The following IFIH1 variants were observed in gnomAD, a reference collection of about 807,000 sequenced individuals.
IFIH1 encodes interferon-induced helicase C domain-containing protein 1.
In IFIH1, 125 loss-of-function variants were observed where a neutral mutation model predicts 107.4. The observed-to-expected ratio is 1.16, with a 90% CI of 1.01 to 1.35. IFIH1 has a LOEUF of 1.35. Among genes scored for constraint, IFIH1 ranks in the 40% most tolerant of loss-of-function variants. The pLI is 0.00. For missense variants in IFIH1, 1,333 were observed against 1,213.7 expected, an observed-to-expected ratio of 1.10 and a Z score of -1.46; for synonymous variants, 458 against 413.2, an observed-to-expected ratio of 1.11 and a Z score of -1.31.
rs942369246 is a variant in IFIH1, at chr2:162,318,630, A to T, written c.-323T>A. On this transcript the variant is annotated 5_prime_UTR_variant, in exon 1 of 16. Coordinates refer to ENST00000649979, the MANE Select transcript of IFIH1 (RefSeq NM_022168.4). ...CCGGACCGGGGCGATCCTGCTGCAC[A>T]CTCGGGTAGGAGCTTTGAGTCCAGC... is the stretch of plus-strand genomic sequence containing the variant. The T allele has an allele frequency of 2.2e-5, 4 of 181,448 alleles. No homozygotes were observed. The highest frequency in any genetic ancestry group is 9.4e-5 in the African/African-American group (4 of 42,366). 11.2% of individuals were successfully genotyped at this position (181,448 alleles called of 1,614,324 possible). A position where few individuals can be genotyped will look rare whatever the true frequency, so the allele number is the denominator to read the frequency against.
intron 5 of IFIH1, among the ~76,000 whole-genome samples, chr2:162,285,240 C>T (rs1682876896): frequency 6.6e-6 from 1 of 151,862 alleles, no homozygotes; most frequent in African/African-American, 2.4e-5. Context: ...GATGTTGAAG[C>T]CCTAGATAGG....
intron 3 of IFIH1, among the ~76,000 whole-genome samples, chr2:162,306,440 T>C (rs1378678623): frequency 6.6e-6 from 1 of 152,240 alleles, no homozygotes; most frequent in African/African-American, 2.4e-5. Context: ...GGCATTCTTA[T>C]ACTTATCTTA....
intron 3 of IFIH1, among the ~76,000 whole-genome samples, chr2:162,294,485 T>A (rs1278347012): frequency 6.6e-6 from 1 of 151,918 alleles, no homozygotes; most frequent in East Asian, 1.9e-4. Context: ...AATAAAGCAA[T>A]GGTGGTTACT....
rs767668988 is a variant in IFIH1, at chr2:162,317,967, T to C, written c.341A>G (p.Tyr114Cys). The change falls in exon 1 of 16, where the codon TAT (tyrosine) becomes TGT (cysteine). Residue 114 changes from tyrosine (Y) to cysteine (C), a missense_variant. By Grantham distance (194) the Tyr-to-Cys change is radical. Coordinates refer to ENST00000649979, the MANE Select transcript of IFIH1 (RefSeq NM_022168.4). ...CTGAAGGAGGTTCAGCAGTTGGAGA[T>C]ATTCATCATGAGCGTTCTCAAACGA... ...SPSFENAHDE[Y>C]LQLLNLLQPT... is the part of the protein sequence containing the mutation. 6.2e-7 allele frequency: 1 copy of C among 1,614,174 alleles called. No homozygotes were observed. The highest frequency in any genetic ancestry group is 8.5e-7 in the Non-Finnish European group (1 of 1,180,046).
Position 162,282,419 on chromosome 2 carries a change from T to C in IFIH1, c.1253A>G (p.Glu418Gly). 6.2e-7 allele frequency: 1 copy of C among 1,611,958 alleles called. No individual in the cohort carries two copies. The highest frequency in any genetic ancestry group is 8.5e-7 in the Non-Finnish European group (1 of 1,178,718). ...ATTTTCCAAGTTTAAGAGGGAGTTT[T>C]CAAGGATTTGAGCTGTACTGATAAT... ...DIIISTAQIL[E>G]NSLLNLENGE... The change falls in exon 6 of 16, where the codon GAA becomes GGA. Residue 418 changes from glutamate to glycine, a missense_variant. Physicochemically the swap from Glu to Gly is moderately conservative, Grantham distance 98. Transcript: ENST00000649979.
chr2:162,272,134 T>C, intron 13 of IFIH1, 92 bp downstream of exon 13: 1 of 1,000,144 alleles, frequency 1.0e-6, no homozygotes, highest in East Asian at 2.6e-5. Context: ...TCAGCACAAT[T>C]TTTGTCTGGA....
chr2:162,278,261 A>G lies in IFIH1; in HGVS notation c.1709T>C (p.Met570Thr), dbSNP rs1338229910. 5 of 1,575,376 alleles carry G rather than the reference A, an allele frequency of 3.2e-6. No individual in the cohort carries two copies. The highest frequency in any genetic ancestry group is 1.7e-5 in the Admixed American group (1 of 57,392). Residue 570 changes from methionine to threonine, a missense_variant, in exon 9 of 16, where the codon ATG (methionine) becomes ACG (threonine). Physicochemically the swap from Met to Thr is moderately conservative, Grantham distance 81 (BLOSUM62 -1). Transcript: ENST00000649979. The stretch of plus-strand genomic sequence containing the variant: ...ATAGGGTTGAGTTCCAAAATCTGAC[A>G]TTGGACTCATTTGACAATAAGTTTG... ...RIQTYCQMSP[M>T]SDFGTQPYEQ... is the part of the protein sequence containing the mutation.
rs1451687083 is a variant in IFIH1, at chr2:162,281,487, A to G, written c.1365T>C (p.Asn455=). Residue 455 remains asparagine, a synonymous_variant, in exon 7 of 16, where the codon AAT becomes AAC. Coordinates refer to ENST00000649979, the MANE Select transcript of IFIH1 (RefSeq NM_022168.4). ...CHHTNKEAVY[N]NIMRHYLMQK... ...GCATCAAATAATGCCTCATGATGTT[A>G]TTATACACTGCTTCTTTGTTGGTGT... The G allele has an allele frequency of 1.2e-6, 2 of 1,611,912 alleles. No homozygotes were observed. Among genetic ancestry groups the G allele is most frequent in the Non-Finnish European group, 1.7e-6 (2 of 1,178,714 alleles).
chr2:162,276,067 T>C (rs1458167160), intron 11 of IFIH1, among the ~76,000 whole-genome samples: 1 of 152,206 alleles, frequency 6.6e-6, no homozygotes, highest in Non-Finnish European at 1.5e-5. Context: ...CTGAACTTTG[T>C]TGTTAAGCTT....
At chr2:162,274,910 G>C (rs977193332) in intron 11 of IFIH1, among the ~76,000 whole-genome samples, 7 of 152,140 alleles carry the variant, frequency 4.6e-5, no homozygotes, top group Non-Finnish European at 1.0e-4. Context: ...GGCAGTGTGA[G>C]TCCTTATTTG....
At position 162,282,464 on chromosome 2, in the gene IFIH1, ACTT is replaced by A; in HGVS notation, c.1205_1207del (p.Glu402del). On this transcript the variant is annotated inframe_deletion, in exon 6 of 16. Coordinates refer to ENST00000649979, the MANE Select transcript of IFIH1 (RefSeq NM_022168.4). ...GATAATAATATCACAGGACTTGACAACTTCTGGAAATGATATTTTCAGTTGGGT... is the reference window on the plus strand; with the variant it reads ...GATAATAATATCACAGGACTTGACAACTGGAAATGATATTTTCAGTTGGGT... 1 of 1,611,238 alleles carries A rather than the reference ACTT, an allele frequency of 6.2e-7. No homozygotes were observed. Among genetic ancestry groups the A allele is most frequent in the Non-Finnish European group, 8.5e-7 (1 of 1,177,916 alleles).
intron 3 of IFIH1, among the ~76,000 whole-genome samples, chr2:162,298,434 T>A (rs1306735676): frequency 1.3e-5 from 2 of 152,120 alleles, no homozygotes; most frequent in Non-Finnish European, 2.9e-5. Flanking sequence ...CTCCTGCGAG[T>A]CAGTGGTGAC....
intron 14 of IFIH1, 112 bp downstream of exon 14, chr2:162,267,975 A>T (rs1302608369): frequency 4.5e-6 from 3 of 671,510 alleles, no homozygotes; most frequent in Non-Finnish European, 7.3e-6. Context: ...GCTAAAGGAG[A>T]GGAAGTTGTA....
At chr2:162,314,418 T>TC (rs1553461351) in intron 1 of IFIH1, among the ~76,000 whole-genome samples, 6 of 65,234 alleles carry the variant, frequency 9.2e-5, no homozygotes, top group Admixed American at 1.6e-4. Context: ...TTTCTTTCTT[T>TC]TCTTTCTTTC....
intron 2 of IFIH1, among the ~76,000 whole-genome samples, chr2:162,307,842 C>A (rs1398315443): frequency 6.6e-6 from 1 of 152,132 alleles, no homozygotes; most frequent in Non-Finnish European, 1.5e-5. Flanking sequence ...ATTTATTTTG[C>A]ACTCACAATA....
At chr2:162,271,833 T>C (rs563946380) in intron 13 of IFIH1, among the ~76,000 whole-genome samples, 36 of 152,186 alleles carry the variant, frequency 2.4e-4, no homozygotes, top group Non-Finnish European at 4.7e-4. Flanking sequence ...CTGTTGGCTG[T>C]TCCTATAAGG....
At chr2:162,303,398 G>A (rs1185601245) in intron 3 of IFIH1, among the ~76,000 whole-genome samples, 2 of 152,164 alleles carry the variant, frequency 1.3e-5, no homozygotes, top group African/African-American at 4.8e-5. Flanking sequence ...TTACAGGTGT[G>A]AGCCACCACG....
At chr2:162,309,600 T>G (rs958654833) in intron 2 of IFIH1, among the ~76,000 whole-genome samples, 1 of 152,214 alleles carries the variant, frequency 6.6e-6, no homozygotes. Context: ...ATAATATATC[T>G]CTACTCCTAC....
intron 4 of IFIH1, among the ~76,000 whole-genome samples, chr2:162,288,727 G>T (rs1411380150): frequency 6.6e-6 from 1 of 151,866 alleles, no homozygotes; most frequent in African/African-American, 2.4e-5. Flanking sequence ...CCATTTCTTT[G>T]TGGAGCCACT....
Sources: gnomAD v4.1 joint callset for allele counts (sites outside exome capture counted in the v4.1 genomes callset) on GRCh38, gnomAD v4.1.1 for gene constraint, MANE v1.5 for transcripts, NCBI Gene and HGNC (gene_info 2026-07-23, HGNC 2026-07-21) for gene names.